The following LGALS9 variants were observed in gnomAD, a reference collection of about 807,000 sequenced individuals.
LGALS9 encodes the protein galectin-9.
LGALS9 carries 26 observed loss-of-function variants against 35.9 expected under a neutral mutation model. That is an observed-to-expected ratio of 0.72 (90% CI 0.53 to 1.01). The LOEUF (loss-of-function observed/expected upper bound fraction) is 1.01. LGALS9 is among the 50% of genes least tolerant of loss of function. LGALS9 has a pLI of 0.00. For missense variants in LGALS9, 347 were observed against 445.8 expected (o/e 0.78, Z 1.99); for synonymous variants, 149 against 172.2 (o/e 0.87, Z 1.06).
chr17:27,632,138 A>G (rs2074399353), intron 1 of LGALS9, among the ~76,000 whole-genome samples: 1 of 152,012 alleles, frequency 6.6e-6, no homozygotes, highest in African/African-American at 2.4e-5. Context: ...CAGCCCCAGG[A>G]GCCCAGGAGA....
chr17:27,646,917 G>GA, intron 8 of LGALS9, 113 bp from the exon 9 acceptor site: 2 of 1,492,166 alleles, frequency 1.3e-6, no homozygotes, highest in Non-Finnish European at 1.8e-6. Flanking sequence ...GGCTTTTATG[G>GA]AACCAAGTAA....
chr17:27,646,774 G>A (rs916567206), intron 8 of LGALS9, among the ~76,000 whole-genome samples, 186 bp downstream of exon 8: 7 of 152,210 alleles, frequency 4.6e-5, no homozygotes, highest in Non-Finnish European at 7.3e-5. Flanking sequence ...TAAAACTGTC[G>A]TGTCAATATG....
In LGALS9 at chr17:27,647,569, C is replaced by T. The variant is rs112384436; in HGVS notation, c.921+137C>T. On this transcript the variant is annotated intron_variant, in intron 10 of 10. Transcript: ENST00000395473. ...AAGGCCCAAAAGAAGAGAAGGTGGC[C>T]AACAAATTATTATTATTATTACTGT... The T allele has an allele frequency of 1.9e-4, 236 of 1,227,986 alleles. 1 individual carries two copies. The African/African-American group carries it at 3.3e-3, about 17-fold the overall frequency. The allele number at this position is 1,227,986 out of a possible 1,614,324, so 76.1% of individuals were successfully genotyped here.
At position 27,643,249 on chromosome 17, in the gene LGALS9, G is replaced by A. The variant is rs566407134; in HGVS notation, c.445-276G>A. On this transcript the variant is annotated intron_variant, in intron 4 of 10. Transcript: ENST00000395473. The stretch of plus-strand genomic sequence containing the variant: ...CACACAGTAGGCCCTCAGCAAATCT[G>A]GGCTTCTCGCCCTTTGGTCCTCATC... Among the ~76,000 whole-genome samples, 331 of 152,218 alleles carry A rather than the reference G, an allele frequency of 2.2e-3. 1 individual carries two copies. Among genetic ancestry groups the A allele is most frequent in the African/African-American group, 7.5e-3 (312 of 41,528 alleles).
intron 1 of LGALS9, among the ~76,000 whole-genome samples, chr17:27,637,453 C>G (rs1191475231): frequency 6.6e-6 from 1 of 152,210 alleles, no homozygotes; most frequent in East Asian, 1.9e-4. Context: ...GACTCTAAAA[C>G]GATGCATGCC....
chr17:27,634,020 G>A (rs1347850864), intron 1 of LGALS9, among the ~76,000 whole-genome samples: 1 of 152,208 alleles, frequency 6.6e-6, no homozygotes, highest in Non-Finnish European at 1.5e-5. Context: ...AGGTCCGGTT[G>A]TTTTCCTGGG....
chr17:27,642,213 C>A (rs546618063), intron 3 of LGALS9, 25 bp from the exon 4 acceptor site: 1 of 1,556,720 alleles, frequency 6.4e-7, no homozygotes, highest in East Asian at 2.3e-5. Context: ...ATGCCTCCCC[C>A]AGAACATGTG....
chr17:27,636,333 A>G (rs2074450834), intron 1 of LGALS9, among the ~76,000 whole-genome samples: 1 of 152,236 alleles, frequency 6.6e-6, no homozygotes, highest in Non-Finnish European at 1.5e-5. Context: ...ACTCTGCTCC[A>G]ACAATGATCA....
At position 27,643,542 on chromosome 17, in the gene LGALS9, T is replaced by C. The variant is rs1329463983; in HGVS notation, c.462T>C (p.Pro154=). 5 of 1,611,934 alleles carry C rather than the reference T, an allele frequency of 3.1e-6. No individual in the cohort carries two copies. The highest frequency in any genetic ancestry group is 1.7e-5 in the Admixed American group (1 of 60,010). Residue 154 remains proline, a synonymous_variant, in exon 5 of 11, where the codon CCT becomes CCC. Coordinates refer to ENST00000395473, the MANE Select transcript of LGALS9 (RefSeq NM_009587.3). The part of the protein sequence containing the change: ...YISFQNPRTV[P]VQPAFSTVPF... ...TTTAACAGAACCCCCGCACAGTCCC[T>C]GTTCAGCCTGCCTTCTCCACGGTGC...
chr17:27,635,184 T>C (rs1318499067), intron 1 of LGALS9, among the ~76,000 whole-genome samples: 1 of 152,130 alleles, frequency 6.6e-6, no homozygotes, highest in African/African-American at 2.4e-5. Context: ...GGCATGATGG[T>C]TCATGCCTGA....
At chr17:27,635,443 T>C (rs2074437883) in intron 1 of LGALS9, among the ~76,000 whole-genome samples, 1 of 3,598 alleles carries the variant, frequency 2.8e-4, no homozygotes, top group South Asian at 9.1e-3. Flanking sequence ...AACCCATCTC[T>C]AAATAAATAA....
At chr17:27,644,377 T>C (rs1189208095) in intron 5 of LGALS9, 1 of 152,868 alleles carries the variant, frequency 6.5e-6, no homozygotes, top group East Asian at 1.9e-4. Context: ...CTGTCCCCGT[T>C]ACTCCACCCC....
intron 3 of LGALS9, 150 bp downstream of exon 3, chr17:27,640,923 T>C: frequency 8.0e-7 from 1 of 1,253,470 alleles, no homozygotes; most frequent in South Asian, 1.3e-5. Flanking sequence ...GTGTTACCCA[T>C]GGCTGCCTAG....
At chr17:27,637,878 C>T (rs2074471457) in intron 1 of LGALS9, among the ~76,000 whole-genome samples, 2 of 152,174 alleles carry the variant, frequency 1.3e-5, no homozygotes, top group South Asian at 2.1e-4. Flanking sequence ...CAGCAGCCCC[C>T]ATTGCTACCT....
chr17:27,643,009 T>C (rs111648365), intron 4 of LGALS9, among the ~76,000 whole-genome samples: 5 of 152,190 alleles, frequency 3.3e-5, no homozygotes, highest in South Asian at 2.1e-4. Flanking sequence ...TAGAGTTCTG[T>C]CTGGGCAAAA....
At chr17:27,642,797 T>C (rs1380325010) in intron 4 of LGALS9, among the ~76,000 whole-genome samples, 2 of 152,170 alleles carry the variant, frequency 1.3e-5, no homozygotes, top group Non-Finnish European at 2.9e-5. Flanking sequence ...GGTGGTTGTG[T>C]GGTTCAGTGA....
At chr17:27,643,948 C>T in intron 5 of LGALS9, 1 of 305,120 alleles carries the variant, frequency 3.3e-6, no homozygotes, top group East Asian at 6.3e-5. Context: ...GCCACAGTGA[C>T]CTTCTTATAA....
At position 27,646,552 on chromosome 17, in the gene LGALS9, C is replaced by T. The variant is rs768519478; in HGVS notation, c.633C>T (p.Pro211=). Residue 211 remains proline, a synonymous_variant, in exon 8 of 11, where the codon CCC becomes CCT. Coordinates refer to ENST00000395473, the MANE Select transcript of LGALS9 (RefSeq NM_009587.3). Reference sequence around the variant, plus strand: ...TCCTGGTTTCTTTTCAACAGACTCCCGCCATCCCACCTATGATGTACCCCC... The same window carrying T: ...TCCTGGTTTCTTTTCAACAGACTCCTGCCATCCCACCTATGATGTACCCCC... The part of the protein sequence containing the change: ...QSAPGQMFST[P]AIPPMMYPHP... The T allele has an allele frequency of 1.3e-5, 21 of 1,612,002 alleles. No individual in the cohort carries two copies. In the African/African-American group the frequency reaches 1.5e-4, roughly 11 times the overall value.
At chr17:27,639,482 G>A (rs1247924462) in intron 2 of LGALS9, among the ~76,000 whole-genome samples, 3 of 152,170 alleles carry the variant, frequency 2.0e-5, no homozygotes, top group Admixed American at 6.5e-5. Context: ...AATTTCGAAA[G>A]GACTACAGGG....
Sources: allele counts gnomAD v4.1 joint callset (sites outside exome capture counted in the v4.1 genomes callset), GRCh38; gene constraint gnomAD v4.1.1; transcripts MANE v1.5; gene names NCBI Gene and HGNC (gene_info 2026-07-23, HGNC 2026-07-21).